DACH2: variants seen among roughly 807,000 people sequenced by gnomAD.
DACH2 encodes the protein dachshund family transcription factor 2.
Under a neutral mutation model 35.8 loss-of-function variants are expected in DACH2, and 17 were observed. The observed-to-expected ratio is 0.48, with a 90% CI of 0.33 to 0.71. DACH2 has a LOEUF of 0.71. Ranked by LOEUF, DACH2 falls within the 30% of genes least tolerant of loss-of-function variation. The pLI, the probability that DACH2 is intolerant of heterozygous loss-of-function variation, is 0.02. For missense variants in DACH2, 469 were observed against 472.7 expected (o/e 0.99, Z 0.07); for synonymous variants, 195 against 177.3 (o/e 1.10, Z -0.79).
intron 6 of DACH2, among the ~76,000 whole-genome samples, chrX:86,721,205 GT>G (rs768296212): frequency 2.0e-3 from 227 of 112,365 alleles, no homozygotes; most frequent in African/African-American, 6.8e-3. Context: ...TTCTCATTAC[GT>G]ATGCAAGTTT....
At chrX:86,661,493 C>T (rs2040604737) in intron 4 of DACH2, among the ~76,000 whole-genome samples, 1 of 112,443 alleles carries the variant, frequency 8.9e-6, no homozygotes, top group African/African-American at 3.2e-5. Context: ...AAGGTTCATC[C>T]ATATTGTAGC....
At position 86,510,826 on chromosome X, in the gene DACH2, T is replaced by A. The variant is rs1459425149; in HGVS notation, c.528-3453T>A. Among the ~76,000 whole-genome samples the A allele has an allele frequency of 2.7e-5, 3 of 111,968 alleles. No individual in the cohort carries two copies. In the East Asian group the frequency reaches 8.4e-4, roughly 31 times the overall value. ...TGGATGGGAACTTTGTAAAAAGGCC[T>A]GTTTTATTTTACAGACTACAAATAA... is the stretch of plus-strand genomic sequence containing the variant. On this transcript the variant is annotated intron_variant, in intron 2 of 11. Transcript: ENST00000373125.
At chrX:86,275,755 G>C (rs901241374) in intron 1 of DACH2, among the ~76,000 whole-genome samples, 1 of 111,434 alleles carries the variant, frequency 9.0e-6, no homozygotes, top group African/African-American at 3.3e-5. Context: ...GTATTCATGA[G>C]TTCAATTGTT....
At chrX:86,158,013 A>G (rs991818379) in intron 1 of DACH2, among the ~76,000 whole-genome samples, 7 of 111,150 alleles carry the variant, frequency 6.3e-5, no homozygotes, top group Non-Finnish European at 1.1e-4. Context: ...GTTTAATGCC[A>G]TATTAAAGCA....
At chrX:86,669,220 C>T (rs1214206294) in intron 4 of DACH2, among the ~76,000 whole-genome samples, 1 of 109,608 alleles carries the variant, frequency 9.1e-6, no homozygotes, top group African/African-American at 3.3e-5. Flanking sequence ...GTTTCATCTT[C>T]CCTTCAAAAC....
chrX:86,417,037 T>TGAGTC (rs1421753434), intron 2 of DACH2, among the ~76,000 whole-genome samples: 35 of 88,633 alleles, frequency 3.9e-4, no homozygotes, highest in African/African-American at 1.5e-3. Context: ...GAGGTTGCAG[T>TGAGTC]GAGTCGAGAT....
intron 4 of DACH2, among the ~76,000 whole-genome samples, chrX:86,653,354 A>T (rs1257893253): frequency 9.0e-6 from 1 of 111,613 alleles, no homozygotes; most frequent in African/African-American, 3.3e-5. Context: ...ATTCGAAGGC[A>T]GGTAATGTGA....
At chrX:86,543,977 A>G (rs1260974978) in intron 3 of DACH2, among the ~76,000 whole-genome samples, 1 of 110,826 alleles carries the variant, frequency 9.0e-6, no homozygotes, top group Admixed American at 9.7e-5. Flanking sequence ...CTAAAACTTA[A>G]AGTATAATAA....
chrX:86,420,377 A>C (rs1210215506), intron 2 of DACH2, among the ~76,000 whole-genome samples: 1 of 112,074 alleles, frequency 8.9e-6, no homozygotes, highest in Non-Finnish European at 1.9e-5. Context: ...ACTGTTAATA[A>C]ATTTTTGTGA....
chrX:86,321,869 G>T (rs1296610194), intron 1 of DACH2, among the ~76,000 whole-genome samples: 1 of 111,996 alleles, frequency 8.9e-6, no homozygotes, highest in Non-Finnish European at 1.9e-5. Context: ...TTTGTCTAAA[G>T]TCTTGAAATA....
chrX:86,631,046 T>C (rs2040195452), intron 3 of DACH2, among the ~76,000 whole-genome samples: 1 of 112,118 alleles, frequency 8.9e-6, no homozygotes, highest in South Asian at 3.6e-4. Context: ...TGTAGCAAAA[T>C]GCAGCTCCTC....
chrX:86,805,588 T>A (rs1434752110), intron 7 of DACH2, among the ~76,000 whole-genome samples: 6 of 111,428 alleles, frequency 5.4e-5, no homozygotes, highest in Admixed American at 2.8e-4. Context: ...ATGACCAGGC[T>A]GCAAATTTTC....
At chrX:86,552,261 A>G (rs2039059707) in intron 3 of DACH2, among the ~76,000 whole-genome samples, 1 of 111,633 alleles carries the variant, frequency 9.0e-6, no homozygotes, top group South Asian at 3.8e-4. Flanking sequence ...TCTTCTATGG[A>G]GACAATTGTA....
intron 1 of DACH2, among the ~76,000 whole-genome samples, chrX:86,244,728 ACT>A (rs1326438165): frequency 4.5e-5 from 5 of 112,130 alleles, no homozygotes; most frequent in Non-Finnish European, 7.5e-5. Context: ...AGAAATATTC[ACT>A]GTTACTACCT....
chrX:86,584,177 C>T (rs1208182708), intron 3 of DACH2, among the ~76,000 whole-genome samples: 1 of 110,984 alleles, frequency 9.0e-6, no homozygotes, highest in Non-Finnish European at 1.9e-5. Context: ...AATAGGCTGT[C>T]TCTGTGCAAT....
In DACH2 at chrX:86,180,965, C is replaced by T. The variant is rs750511153; in HGVS notation, c.488+31857C>T. On this transcript the variant is annotated intron_variant, in intron 1 of 11. Coordinates refer to ENST00000373125, the MANE Select transcript of DACH2 (RefSeq NM_053281.3). Reference sequence around the variant, plus strand: ...ACCAAATTCCAAAGGGCCAAGTTAGCGTGTGGAAGTGAAGGGTGAGTCCCT... The same window carrying T: ...ACCAAATTCCAAAGGGCCAAGTTAGTGTGTGGAAGTGAAGGGTGAGTCCCT... Among the ~76,000 whole-genome samples the T allele has an allele frequency of 3.6e-5, 4 of 110,575 alleles. No individual in the cohort carries two copies. The South Asian group carries it at 1.5e-3, about 42-fold the overall frequency.
At chrX:86,718,581 G>A (rs1218243174) in intron 6 of DACH2, among the ~76,000 whole-genome samples, 1 of 111,185 alleles carries the variant, frequency 9.0e-6, no homozygotes, top group African/African-American at 3.3e-5. Context: ...ATTTTCCTTA[G>A]GTATTTTTAT....
intron 3 of DACH2, among the ~76,000 whole-genome samples, chrX:86,537,476 C>T (rs1846775264): frequency 9.0e-6 from 1 of 111,096 alleles, no homozygotes; most frequent in African/African-American, 3.3e-5. Flanking sequence ...TTTTCTGGGC[C>T]ACACCCTTGT....
At position 86,459,555 on chromosome X, in the gene DACH2, A is replaced by G. The variant is rs182173325; in HGVS notation, c.528-54724A>G. ...AAACTAATGTAGTAAATGACCTTTA[A>G]CTTAGTAAACAACCTGAAATATTAA... On this transcript the variant is annotated intron_variant, in intron 2 of 11. Coordinates refer to ENST00000373125, the MANE Select transcript of DACH2 (RefSeq NM_053281.3). 2.3e-3 allele frequency among the ~76,000 whole-genome samples: 254 copies of G among 111,464 alleles called. 2 individuals carry two copies. The highest frequency in any genetic ancestry group is 3.7e-3 in the Non-Finnish European group (195 of 53,017).
Sources: allele counts gnomAD v4.1 joint callset (sites outside exome capture counted in the v4.1 genomes callset), GRCh38; gene constraint gnomAD v4.1.1; transcripts MANE v1.5; gene names NCBI Gene and HGNC (gene_info 2026-07-23, HGNC 2026-07-21).